The following EPN1 variants were observed in gnomAD, a reference collection of about 807,000 sequenced individuals.
The protein encoded by EPN1 is epsin-1.
In EPN1, 25 loss-of-function variants were observed where a neutral mutation model predicts 56.9. The observed-to-expected ratio is 0.44, with a 90% CI of 0.32 to 0.61. The LOEUF (loss-of-function observed/expected upper bound fraction) is 0.61, where lower values mean the gene tolerates loss of function less well. EPN1 is among the 20% of genes least tolerant of loss of function. The pLI, the probability that EPN1 is intolerant of heterozygous loss-of-function variation, is 0.05. For missense variants in EPN1, 785 were observed against 823.7 expected (o/e 0.95, Z 0.58); for synonymous variants, 411 against 361.8 (o/e 1.14, Z -1.54).
rs552689317 is a variant in EPN1 at position 55,704,598 on chromosome 19, G to A, written c.*9242G>A. 6.6e-6 allele frequency: 1 copy of A among 152,352 alleles called. No homozygotes were observed. The highest frequency in any genetic ancestry group is 2.4e-5 in the African/African-American group (1 of 41,578). 9.4% of individuals were successfully genotyped at this position (152,352 alleles called of 1,614,324 possible). A position where few individuals can be genotyped will look rare whatever the true frequency, so the allele number is the denominator to read the frequency against. ...TAGCGCTCCCAGCTGGCGGTACTTT[G>A]TTATGACAGCCCTAACATGAATGCA... On this transcript the variant is annotated 3_prime_UTR_variant, in exon 11 of 11. Transcript: ENST00000270460.
chr19:55,688,051 A>G (rs779768991), intron 3 of EPN1, among the ~76,000 whole-genome samples: 3 of 152,144 alleles, frequency 2.0e-5, no homozygotes, highest in African/African-American at 7.2e-5. Flanking sequence ...TGACCAGTGC[A>G]CAGTGGTTGG....
intron 1 of EPN1, chr19:55,677,208 C>T: frequency 6.6e-7 from 1 of 1,524,764 alleles, no homozygotes; most frequent in Non-Finnish European, 8.9e-7. Flanking sequence ...CCAGGCTGCT[C>T]CAGGAGTAAG....
chr19:55,692,016 C>G lies in EPN1; in HGVS notation c.1025C>G (p.Ala342Gly). Residue 342 changes from alanine (A) to glycine (G), a missense_variant, in exon 7 of 11, where the codon GCT becomes GGT. Coordinates refer to ENST00000270460, the MANE Select transcript of EPN1 (RefSeq NM_001130072.2). ...DPWGGTPAPAAGEGPTPDPWG... is the reference protein window; with the variant it reads ...DPWGGTPAPAGGEGPTPDPWG... The stretch of plus-strand genomic sequence containing the variant: ...TGGGGTGGGACCCCAGCCCCTGCAG[C>G]TGGGGAGGGGCCCACGCCTGATCCA... 4.7e-6 allele frequency: 7 copies of G among 1,474,530 alleles called. No homozygotes were observed. The highest frequency in any genetic ancestry group is 6.2e-6 in the Non-Finnish European group (7 of 1,120,352). The allele number at this position is 1,474,530 out of a possible 1,614,324, so 91.3% of individuals were successfully genotyped here.
At chr19:55,685,754 G>C in intron 3 of EPN1, 109 bp downstream of exon 3, 2 of 1,402,896 alleles carry the variant, frequency 1.4e-6, no homozygotes, top group East Asian at 5.0e-5. Flanking sequence ...AGGGACCGCG[G>C]CATCCCCCTT....
chr19:55,708,932 T>C lies in EPN1; in HGVS notation c.*13576T>C. 6.4e-7 allele frequency: 1 copy of C among 1,565,590 alleles called. No individual in the cohort carries two copies. The highest frequency in any genetic ancestry group is 8.6e-7 in the Non-Finnish European group (1 of 1,162,060). ...CCCCATCAGAGGAGCACACCCCTGATCTTGTATTCCTCGTCAATCCAAGGT... is the reference window on the plus strand; with the variant it reads ...CCCCATCAGAGGAGCACACCCCTGACCTTGTATTCCTCGTCAATCCAAGGT... On this transcript the variant is annotated 3_prime_UTR_variant, in exon 11 of 11. Coordinates refer to ENST00000270460, the MANE Select transcript of EPN1 (RefSeq NM_001130072.2).
Position 55,699,853 on chromosome 19 carries a change from C to G in EPN1, c.*4497C>G, listed in dbSNP as rs1222066992. The G allele has an allele frequency of 6.6e-6, 1 of 151,956 alleles. No homozygotes were observed. Among genetic ancestry groups the G allele is most frequent in the Non-Finnish European group, 1.5e-5 (1 of 67,988 alleles). 9.4% of individuals were successfully genotyped at this position (151,956 alleles called of 1,614,324 possible). A position where few individuals can be genotyped will look rare whatever the true frequency, so the allele number is the denominator to read the frequency against. On this transcript the variant is annotated 3_prime_UTR_variant, in exon 11 of 11. Transcript: ENST00000270460. ...TTTCTTCATGCTTTTGTTTTACTTT[C>G]AGGGATAATTATATAATGTTATGTT...
intron 2 of EPN1, 107 bp downstream of exon 2, chr19:55,678,962 A>C: frequency 1.4e-6 from 1 of 716,076 alleles, no homozygotes; most frequent in Non-Finnish European, 2.4e-6. Flanking sequence ...CTCAAGAGGA[A>C]CTGGAGAAGA....
intron 2 of EPN1, among the ~76,000 whole-genome samples, chr19:55,679,938 T>C (rs1600095754): frequency 6.6e-6 from 1 of 151,306 alleles, no homozygotes; most frequent in African/African-American, 2.4e-5. Flanking sequence ...GCTGGAGGGG[T>C]GGGTGTGCAG....
chr19:55,685,826 C>T (rs1296774558), intron 3 of EPN1, among the ~76,000 whole-genome samples, 181 bp downstream of exon 3: 1 of 152,238 alleles, frequency 6.6e-6, no homozygotes, highest in African/African-American at 2.4e-5. Context: ...TCCCTTAGCA[C>T]CTCCCATGCA....
rs1487570501 is a variant in EPN1 at position 55,707,449 on chromosome 19, A to T, written c.*12093A>T. The stretch of plus-strand genomic sequence containing the variant: ...CTCCATGTTGAGCCCCTTCTGTGGA[A>T]TATGACAGTGTCTCTATTTCGGGTA... On this transcript the variant is annotated 3_prime_UTR_variant, in exon 11 of 11. Coordinates refer to ENST00000270460, the MANE Select transcript of EPN1 (RefSeq NM_001130072.2). The T allele has an allele frequency of 1.3e-5, 2 of 152,476 alleles. No individual in the cohort carries two copies. Among genetic ancestry groups the T allele is most frequent in the Admixed American group, 1.3e-4 (2 of 15,290 alleles). The allele number at this position is 152,476 out of a possible 1,614,324, so 9.4% of individuals were successfully genotyped here.
rs1986378446 is a variant in EPN1, at chr19:55,689,282, C to T, written c.604-15C>T. On this transcript the variant is annotated splice_polypyrimidine_tract_variant and intron_variant, in intron 4 of 10. Transcript: ENST00000270460. This position sits in a 1 kb window ranked among gnomAD's most constrained non-coding sequence, Gnocchi z 5.7. ...GGCCCCTCCCGTCATGCCCCTCACA[C>T]TCTCTCTCCCCCAGCCCCCGTCCTG... 1 of 1,540,742 alleles carries T rather than the reference C, an allele frequency of 6.5e-7. No individual in the cohort carries two copies. Among genetic ancestry groups the T allele is most frequent in the Non-Finnish European group, 8.8e-7 (1 of 1,137,772 alleles).
Position 55,709,164 on chromosome 19 carries a change from A to G in EPN1, c.*13808A>G. ...ATTCTTTCCTAGAAATCACTGGGAG[A>G]ATTGTACTGAATTTGAAAAACAAGC... On this transcript the variant is annotated 3_prime_UTR_variant, in exon 11 of 11. Transcript: ENST00000270460. 1.6e-6 allele frequency: 1 copy of G among 634,982 alleles called. No homozygotes were observed. The highest frequency in any genetic ancestry group is 3.4e-5 in the East Asian group (1 of 29,744). The allele number at this position is 634,982 out of a possible 1,614,324, so 39.3% of individuals were successfully genotyped here. A position where few individuals can be genotyped will look rare whatever the true frequency, so the allele number is the denominator to read the frequency against.
At chr19:55,690,020 T>A in intron 6 of EPN1, 70 bp downstream of exon 6, 1 of 1,406,232 alleles carries the variant, frequency 7.1e-7, no homozygotes. Context: ...CATTCCTGCG[T>A]GGCCAGGTCC....
chr19:55,690,855 GGTTGGCCTCGGCC>G (rs1281423729), intron 6 of EPN1, among the ~76,000 whole-genome samples: 7 of 152,208 alleles, frequency 4.6e-5, no homozygotes, highest in Non-Finnish European at 8.8e-5. Flanking sequence ...AGCCTCTTTA[GGTTGGCCTCGGCC>G]AGGGGGTCTC....
chr19:55,683,383 ACTCTGT>A (rs1985955780), intron 2 of EPN1, among the ~76,000 whole-genome samples: 1 of 148,068 alleles, frequency 6.8e-6, no homozygotes, highest in Non-Finnish European at 1.5e-5. Flanking sequence ...ATGGAGTCTC[ACTCTGT>A]CTCCCAGGCT....
rs1359773854 is a variant in EPN1 at position 55,709,021 on chromosome 19, T to C, written c.*13665T>C. On this transcript the variant is annotated 3_prime_UTR_variant, in exon 11 of 11. Transcript: ENST00000270460. ...AGACATCAGGATCTTCTGAGTTTCT[T>C]CATCAAAGCCAGATTTGTGCAGCCT... is the stretch of plus-strand genomic sequence containing the variant. 2 of 1,579,746 alleles carry C rather than the reference T, an allele frequency of 1.3e-6. No homozygotes were observed.
In EPN1 at chr19:55,685,721, C is replaced by G. The variant is rs573493810; in HGVS notation, c.478+76C>G. The G allele has an allele frequency of 1.4e-5, 21 of 1,509,140 alleles. No homozygotes were observed. The African/African-American group carries it at 2.6e-4, about 19-fold the overall frequency. The allele number at this position is 1,509,140 out of a possible 1,614,324, so 93.5% of individuals were successfully genotyped here. A position where few individuals can be genotyped will look rare whatever the true frequency, so the allele number is the denominator to read the frequency against. ...CTGCGGCTCCCGGCACCCGGCCGCC[C>G]ACTGCTTTCTCTCCCAGCCAGGAGG... On this transcript the variant is annotated intron_variant, in intron 3 of 10. Coordinates refer to ENST00000270460, the MANE Select transcript of EPN1 (RefSeq NM_001130072.2).
intron 1 of EPN1, chr19:55,677,623 A>T (rs2122157205): frequency 6.4e-7 from 1 of 1,551,654 alleles, no homozygotes. Flanking sequence ...GGCACACAGC[A>T]GGGACCCAGG....
chr19:55,680,497 C>A (rs184586222), intron 2 of EPN1, among the ~76,000 whole-genome samples: 1 of 152,222 alleles, frequency 6.6e-6, no homozygotes, highest in Non-Finnish European at 1.5e-5. Context: ...CCACTGGTTC[C>A]TCATGCTGGG....
Sources: allele counts gnomAD v4.1 joint callset (sites outside exome capture counted in the v4.1 genomes callset), GRCh38; gene constraint gnomAD v4.1.1; non-coding constraint Gnocchi (gnomAD v3.1); transcripts MANE v1.5; gene names NCBI Gene and HGNC (gene_info 2026-07-23, HGNC 2026-07-21).